Variants in SLFNL1 observed in about 807,000 individuals in gnomAD.
The protein encoded by SLFNL1 is schlafen like 1, also known as schlafen-like protein 1.
A neutral mutation model predicts 32.5 loss-of-function variants in SLFNL1; 26 were observed. The observed-to-expected ratio is 0.80, with a 90% CI of 0.59 to 1.11. SLFNL1 has a LOEUF of 1.11. Among genes scored for constraint, SLFNL1 ranks in the 50% least tolerant of loss-of-function variants. The pLI is 0.00. For missense variants in SLFNL1, 553 were observed against 546.5 expected, an observed-to-expected ratio of 1.01 and a Z score of -0.12; for synonymous variants, 255 against 242.2, an observed-to-expected ratio of 1.05 and a Z score of -0.49.
intron 2 of SLFNL1, 24 bp from the exon 3 acceptor site, chr1:41,020,802 A>C: frequency 1.4e-6 from 1 of 737,550 alleles, no homozygotes; most frequent in South Asian, 1.9e-5. Context: ...AGATTGGCAG[A>C]GACTGGGCAG....
At position 41,017,813 on chromosome 1, in the gene SLFNL1, A is replaced by C. The variant is rs1643478208; in HGVS notation, c.779T>G (p.Val260Gly). Residue 260 changes from valine to glycine, a missense_variant, in exon 4 of 6, where the codon GTG becomes GGG. Physicochemically the swap from Val to Gly is moderately radical, Grantham distance 109. Coordinates refer to ENST00000302946, the MANE Select transcript of SLFNL1 (RefSeq NM_144990.4). The surrounding 1 kb of genome is among the most constrained non-coding windows in gnomAD (Gnocchi z 4.9). ...CACCAGGCCGCTGTCCTCTACTCCC[A>C]CGAGCAGGCTGCCGCCCTCGCTGTT... ...FLNSEGGSLL[V>G]GVEDSGLVQG... 6 of 1,599,416 alleles carry C rather than the reference A, an allele frequency of 3.8e-6. No individual in the cohort carries two copies. The highest frequency in any genetic ancestry group is 5.1e-6 in the Non-Finnish European group (6 of 1,169,588).
At position 41,017,303 on chromosome 1, in the gene SLFNL1, C is replaced by G; in HGVS notation, c.1032G>C (p.Val344=). The change falls in exon 5 of 6, where the codon GTG becomes GTC. Residue 344 remains valine (V), a synonymous_variant. Transcript: ENST00000302946. This position sits in a 1 kb window ranked among gnomAD's most constrained non-coding sequence, Gnocchi z 4.9. ...PQLYQTDQGE[V]FLRRDGSIQG... ...GGATGCTCCCGTCGCGCCGCAGAAA[C>G]ACCTCCCCCTGGTCTGTCTGGTAGA... The G allele has an allele frequency of 1.2e-6, 2 of 1,613,614 alleles. No homozygotes were observed. The highest frequency in any genetic ancestry group is 1.7e-6 in the Non-Finnish European group (2 of 1,179,918).
chr1:41,020,523 C>T lies in SLFNL1; in HGVS notation c.138G>A (p.Ala46=), dbSNP rs149234150. ...TCAGATGGCCCACATAGAGAGTGTG[C>T]GCCGAGGGAGCCTCCTCGAGGTCAG... ...EYSDLEEAPS[A]HTLYVGHLNP... is the part of the protein sequence containing the mutation. The change falls in exon 3 of 6, where the codon GCG becomes GCA. Residue 46 remains alanine, a synonymous_variant. Transcript: ENST00000302946. The T allele has an allele frequency of 7.4e-5, 120 of 1,613,384 alleles. No homozygotes were observed. The highest frequency in any genetic ancestry group is 8.9e-5 in the Non-Finnish European group (105 of 1,180,042).
In SLFNL1 at chr1:41,015,903, G is replaced by T. The variant is rs895462661; in HGVS notation, c.*203C>A. The T allele has an allele frequency of 3.3e-6, 2 of 612,786 alleles. No individual in the cohort carries two copies. Among genetic ancestry groups the T allele is most frequent in the Middle Eastern group, 3.7e-4 (1 of 2,728 alleles). 38.0% of individuals were successfully genotyped at this position (612,786 alleles called of 1,614,324 possible). ...GAAAGTAAGGTCATTTGGGGACAGG[G>T]CTGAGAGCAGTTTCTTGGCTACACA... On this transcript the variant is annotated 3_prime_UTR_variant, in exon 6 of 6. Coordinates refer to ENST00000302946, the MANE Select transcript of SLFNL1 (RefSeq NM_144990.4).
intron 5 of SLFNL1, chr1:41,016,474 G>A (rs943112591): frequency 1.9e-6 from 1 of 525,856 alleles, no homozygotes; most frequent in Admixed American, 3.5e-5. Context: ...CCTCCTCACT[G>A]TTGGTCCCTT....
At chr1:41,020,133 C>T in intron 3 of SLFNL1, 93 bp downstream of exon 3, 1 of 1,318,898 alleles carries the variant, frequency 7.6e-7, no homozygotes, top group South Asian at 1.5e-5. Context: ...TCCCCAGAGA[C>T]ACCCCTCCAT....
rs551016960 is a variant in SLFNL1 at position 41,020,506 on chromosome 1, C to T, written c.155G>A (p.Gly52Asp). Residue 52 changes from glycine to aspartate, a missense_variant, in exon 3 of 6, where the codon GGC (glycine) becomes GAC (aspartate). Gly to Asp is a moderately conservative substitution (Grantham distance 94). Transcript: ENST00000302946. Reference sequence around the variant, plus strand: ...CACTGAGAACTGGGGGTTCAGATGGCCCACATAGAGAGTGTGCGCCGAGGG... The same window carrying T: ...CACTGAGAACTGGGGGTTCAGATGGTCCACATAGAGAGTGTGCGCCGAGGG... ...EAPSAHTLYV[G>D]HLNPQFSVPV... The T allele has an allele frequency of 2.5e-6, 4 of 1,613,256 alleles. No homozygotes were observed. The highest frequency in any genetic ancestry group is 2.2e-5 in the East Asian group (1 of 44,868).
chr1:41,020,795 T>C lies in SLFNL1; in HGVS notation c.-118-17A>G. The stretch of plus-strand genomic sequence containing the variant: ...TCCCGGCTCCTGGGAGGTACACAGA[T>C]TGGCAGAGACTGGGCAGGGCCAGAG... On this transcript the variant is annotated splice_polypyrimidine_tract_variant and intron_variant, in intron 2 of 5. Transcript: ENST00000302946. 1 of 790,516 alleles carries C rather than the reference T, an allele frequency of 1.3e-6. No homozygotes were observed. The highest frequency in any genetic ancestry group is 2.7e-5 in the East Asian group (1 of 37,276). 49.0% of individuals were successfully genotyped at this position (790,516 alleles called of 1,614,324 possible).
Position 41,015,975 on chromosome 1 carries a change from C to T in SLFNL1, c.*131G>A. 7.8e-7 allele frequency: 1 copy of T among 1,277,862 alleles called. No individual in the cohort carries two copies. Among genetic ancestry groups the T allele is most frequent in the South Asian group, 1.5e-5 (1 of 66,496 alleles). 79.2% of individuals were successfully genotyped at this position (1,277,862 alleles called of 1,614,324 possible). A position where few individuals can be genotyped will look rare whatever the true frequency, so the allele number is the denominator to read the frequency against. On this transcript the variant is annotated 3_prime_UTR_variant, in exon 6 of 6. Coordinates refer to ENST00000302946, the MANE Select transcript of SLFNL1 (RefSeq NM_144990.4). Reference sequence around the variant, plus strand: ...GCCACATGGGTGCCTGCTCATGTGCCATGTTGAAGGAGTCCCTGTCCGCCT... The same window carrying T: ...GCCACATGGGTGCCTGCTCATGTGCTATGTTGAAGGAGTCCCTGTCCGCCT...
At chr1:41,020,051 A>G (rs1469434504) in intron 3 of SLFNL1, among the ~76,000 whole-genome samples, 175 bp downstream of exon 3, 2 of 152,194 alleles carry the variant, frequency 1.3e-5, no homozygotes, top group Non-Finnish European at 2.9e-5. Flanking sequence ...TTCCCAGAGA[A>G]AGCTGGCAGT....
rs780471752 is a variant in SLFNL1, at chr1:41,017,752, G to A, written c.840C>T (p.Arg280=). 33 of 1,607,882 alleles carry A rather than the reference G, an allele frequency of 2.1e-5. No homozygotes were observed. The highest frequency in any genetic ancestry group is 2.6e-5 in the Non-Finnish European group (30 of 1,176,074). The change falls in exon 4 of 6, where the codon CGC becomes CGT. Residue 280 remains arginine, a synonymous_variant. Coordinates refer to ENST00000302946, the MANE Select transcript of SLFNL1 (RefSeq NM_144990.4). The surrounding 1 kb of genome is among the most constrained non-coding windows in gnomAD (Gnocchi z 4.9). ...GIRCSHRDED[R]ARLLVDSILQ... is the part of the protein sequence containing the mutation. ...GGATGGAGTCCACCAGCAGGCGTGC[G>A]CGGTCCTCGTCACGGTGGCTGCAGC...
intron 3 of SLFNL1, among the ~76,000 whole-genome samples, chr1:41,018,858 C>CA (rs1229145925): frequency 2.2e-5 from 2 of 92,882 alleles, no homozygotes; most frequent in Non-Finnish European, 4.1e-5. Flanking sequence ...TTTTTTGAGA[C>CA]AGAGTCTCGC....
chr1:41,020,466 G>A lies in SLFNL1; in HGVS notation c.195C>T (p.Cys65=), dbSNP rs574615937. 1.9e-6 allele frequency: 3 copies of A among 1,613,404 alleles called. No individual in the cohort carries two copies. The change falls in exon 3 of 6, where the codon TGC becomes TGT. Residue 65 remains cysteine (C), a synonymous_variant. Coordinates refer to ENST00000302946, the MANE Select transcript of SLFNL1 (RefSeq NM_144990.4). ...GCCGCTCCAGGGTGTCTCGCAGCAG[G>A]CAGGCAAGCACCGGCACTGAGAACT... The part of the protein sequence containing the change: ...NPQFSVPVLA[C]LLRDTLERLE...
At position 41,015,973 on chromosome 1, in the gene SLFNL1, G is replaced by T; in HGVS notation, c.*133C>A. The T allele has an allele frequency of 8.0e-7, 1 of 1,254,030 alleles. No individual in the cohort carries two copies. The highest frequency in any genetic ancestry group is 1.1e-6 in the Non-Finnish European group (1 of 914,560). The allele number at this position is 1,254,030 out of a possible 1,614,324, so 77.7% of individuals were successfully genotyped here. ...AAGCCACATGGGTGCCTGCTCATGT[G>T]CCATGTTGAAGGAGTCCCTGTCCGC... On this transcript the variant is annotated 3_prime_UTR_variant, in exon 6 of 6. Transcript: ENST00000302946.
rs1467868636 is a variant in SLFNL1 at position 41,017,383 on chromosome 1, T to G, written c.958-6A>C. Reference sequence around the variant, plus strand: ...TGCACGGTCAGGCGGATCACCTTGGTAGGGGCAACAGCAGCTCTGGAGGCG... The same window carrying G: ...TGCACGGTCAGGCGGATCACCTTGGGAGGGGCAACAGCAGCTCTGGAGGCG... On this transcript the variant is annotated splice_polypyrimidine_tract_variant and splice_region_variant and intron_variant, in intron 4 of 5. Coordinates refer to ENST00000302946, the MANE Select transcript of SLFNL1 (RefSeq NM_144990.4). The surrounding 1 kb of genome is among the most constrained non-coding windows in gnomAD (Gnocchi z 4.9). 12 of 1,612,032 alleles carry G rather than the reference T, an allele frequency of 7.4e-6. No individual in the cohort carries two copies. Among genetic ancestry groups the G allele is most frequent in the African/African-American group, 1.3e-5 (1 of 75,006 alleles).
rs1034035817 is a variant in SLFNL1, at chr1:41,018,153, TCTC to T, written c.436_438del (p.Glu146del). On this transcript the variant is annotated inframe_deletion and splice_region_variant, in exon 4 of 6. Coordinates refer to ENST00000302946, the MANE Select transcript of SLFNL1 (RefSeq NM_144990.4). Reference sequence around the variant, plus strand: ...CCACTGTCCTCCTCCTCCTCCTCCTTCTCCTAGGGTGGTAGTCAAGAATGAATG... The same window carrying T: ...CCACTGTCCTCCTCCTCCTCCTCCTTCTAGGGTGGTAGTCAAGAATGAATG... 2.3e-5 allele frequency: 34 copies of T among 1,473,302 alleles called. No individual in the cohort carries two copies. The highest frequency in any genetic ancestry group is 2.8e-5 in the Non-Finnish European group (31 of 1,107,714). 91.3% of individuals were successfully genotyped at this position (1,473,302 alleles called of 1,614,324 possible).
At chr1:41,019,581 C>T (rs141078533) in intron 3 of SLFNL1, among the ~76,000 whole-genome samples, 80 of 152,332 alleles carry the variant, frequency 5.3e-4, no homozygotes, top group South Asian at 1.2e-3. Context: ...GCAGACATGA[C>T]ACTCCCTCTA....
At chr1:41,018,859 A>G (rs527423558) in intron 3 of SLFNL1, among the ~76,000 whole-genome samples, 19 of 118,024 alleles carry the variant, frequency 1.6e-4, no homozygotes, top group African/African-American at 5.5e-4. Flanking sequence ...TTTTTGAGAC[A>G]GAGTCTCGCC....
rs144796916 is a variant in SLFNL1, at chr1:41,020,430, C to T, written c.231G>A (p.Pro77=). The T allele has an allele frequency of 4.5e-4, 726 of 1,612,960 alleles. 1 individual carries two copies. The highest frequency in any genetic ancestry group is 5.8e-4 in the Non-Finnish European group (688 of 1,180,032). Residue 77 remains proline, a synonymous_variant, in exon 3 of 6, where the codon CCG becomes CCA. Transcript: ENST00000302946. ...CCACTTCAATGTGCTCCCGCGCCAC[C>T]GGCATCTCCAGCCGCTCCAGGGTGT... ...LRDTLERLEM[P]VAREHIEVVR... is the part of the protein sequence containing the mutation.
Sources: gnomAD v4.1 joint callset for allele counts (sites outside exome capture counted in the v4.1 genomes callset) on GRCh38, gnomAD v4.1.1 for gene constraint, Gnocchi (gnomAD v3.1) non-coding constraint, MANE v1.5 for transcripts, NCBI Gene and HGNC (gene_info 2026-07-23, HGNC 2026-07-21) for gene names.